HEPHL1: variants seen among roughly 807,000 people sequenced by gnomAD.
HEPHL1 encodes ferroxidase HEPHL1.
A neutral mutation model predicts 122.0 loss-of-function variants in HEPHL1; 123 were observed. The observed-to-expected ratio is 1.01, with a 90% CI of 0.87 to 1.17. The LOEUF (loss-of-function observed/expected upper bound fraction) is 1.17. Ranked by LOEUF, HEPHL1 falls within the 50% of genes most tolerant of loss-of-function variation. The pLI, the probability that HEPHL1 is intolerant of heterozygous loss-of-function variation, is 0.00. For synonymous variants in HEPHL1, 527 were observed against 508.9 expected, an observed-to-expected ratio of 1.04 and a Z score of -0.48; for missense variants, 1,452 against 1,430.5, an observed-to-expected ratio of 1.01 and a Z score of -0.24.
intron 2 of HEPHL1, among the ~76,000 whole-genome samples, chr11:94,050,079 A>G (rs915703430): frequency 2.6e-5 from 4 of 152,114 alleles, no homozygotes; most frequent in Admixed American, 6.6e-5. Flanking sequence ...AATTTATTCC[A>G]AAGTATTTTA....
At chr11:94,049,138 AC>A (rs1351840826) in intron 2 of HEPHL1, among the ~76,000 whole-genome samples, 2 of 145,272 alleles carry the variant, frequency 1.4e-5, no homozygotes. Flanking sequence ...ACAAAAAAAA[AC>A]AAAACAAAAA....
intron 2 of HEPHL1, among the ~76,000 whole-genome samples, chr11:94,059,766 C>T (rs1437505768): frequency 9.2e-5 from 14 of 152,010 alleles, no homozygotes; most frequent in African/African-American, 3.4e-4. Flanking sequence ...CACAAAGGCT[C>T]TGTTAGGGGA....
intron 2 of HEPHL1, among the ~76,000 whole-genome samples, chr11:94,047,791 T>A (rs988016059): frequency 4.6e-5 from 7 of 152,182 alleles, no homozygotes; most frequent in African/African-American, 1.7e-4. Context: ...GTTAATGGTG[T>A]CCTGAAAAAT....
intron 2 of HEPHL1, among the ~76,000 whole-genome samples, chr11:94,059,507 C>T (rs1323534469): frequency 6.6e-6 from 1 of 152,116 alleles, no homozygotes; most frequent in African/African-American, 2.4e-5. Flanking sequence ...CCTCAAAATT[C>T]TCAAATCTGA....
At chr11:94,076,814 A>C (rs1946129360) in intron 9 of HEPHL1, among the ~76,000 whole-genome samples, 1 of 152,150 alleles carries the variant, frequency 6.6e-6, no homozygotes, top group Admixed American at 6.6e-5. Flanking sequence ...GTCTCTTTCC[A>C]GTAAATTGTC....
intron 1 of HEPHL1, among the ~76,000 whole-genome samples, chr11:94,042,426 A>G (rs1248961711): frequency 4.3e-5 from 6 of 141,140 alleles, no homozygotes; most frequent in Non-Finnish European, 6.1e-5. Flanking sequence ...ACATGCACAC[A>G]TATGTTTATT....
At chr11:94,070,570 G>A (rs1305440764) in intron 6 of HEPHL1, 28 bp downstream of exon 6, 1 of 1,571,190 alleles carries the variant, frequency 6.4e-7, no homozygotes, top group African/African-American at 1.3e-5. Flanking sequence ...GTGTTTCTAA[G>A]CCTCTCGTCA....
rs967297332 is a variant in HEPHL1 at position 94,093,525 on chromosome 11, C to T, written c.2319C>T (p.Arg773=). 6.2e-7 allele frequency: 1 copy of T among 1,613,290 alleles called. No individual in the cohort carries two copies. Among genetic ancestry groups the T allele is most frequent in the East Asian group, 2.2e-5 (1 of 44,852 alleles). Reference sequence around the variant, plus strand: ...GACATGGAGATATATTTATGAACCGCACTGAAAATTGGATTGGCTCTCAGT... The same window carrying T: ...GACATGGAGATATATTTATGAACCGTACTGAAAATTGGATTGGCTCTCAGT... ...GERHGDIFMN[R]TENWIGSQYK... is the part of the protein sequence containing the mutation. The change falls in exon 13 of 20, where the codon CGC becomes CGT. Residue 773 remains arginine (R), a synonymous_variant. Transcript: ENST00000315765.
At position 94,068,595 on chromosome 11, in the gene HEPHL1, C is replaced by A. The variant is rs116222026; in HGVS notation, c.1063+845C>A. ...AGAAGAGCCTGGGAGGCTCATCAGGCCCCTTAGCAAAGCTAAGGAGGTGGG... is the reference window on the plus strand; with the variant it reads ...AGAAGAGCCTGGGAGGCTCATCAGGACCCTTAGCAAAGCTAAGGAGGTGGG... On this transcript the variant is annotated intron_variant, in intron 5 of 19. Coordinates refer to ENST00000315765, the MANE Select transcript of HEPHL1 (RefSeq NM_001098672.2). Among the ~76,000 whole-genome samples, 402 of 152,206 alleles carry A rather than the reference C, an allele frequency of 2.6e-3. 2 individuals carry two copies. Among genetic ancestry groups the A allele is most frequent in the African/African-American group, 8.9e-3 (371 of 41,554 alleles).
intron 4 of HEPHL1, 112 bp downstream of exon 4, chr11:94,064,622 T>C: frequency 1.4e-6 from 1 of 716,988 alleles, no homozygotes; most frequent in East Asian, 2.7e-5. Flanking sequence ...GATTTATAAC[T>C]CAGGGATGAC....
At chr11:94,072,559 G>A (rs1946084076) in intron 6 of HEPHL1, among the ~76,000 whole-genome samples, 1 of 151,968 alleles carries the variant, frequency 6.6e-6, no homozygotes, top group Non-Finnish European at 1.5e-5. Context: ...GGTTTATATG[G>A]TAGCCCTCCA....
Position 94,082,536 on chromosome 11 carries a change from A to T in HEPHL1, c.1835A>T (p.Asp612Val), listed in dbSNP as rs1384898651. Reference protein sequence around the residue: ...IWHPFSIDKEDKEFVKSNRMH... With the variant: ...IWHPFSIDKEVKEFVKSNRMH... ...CATCCCTTCAGCATTGACAAAGAAG[A>T]TAAAGAGTTTGTGAAATCCAACCGA... is the stretch of plus-strand genomic sequence containing the variant. Residue 612 changes from aspartate to valine, a missense_variant, in exon 10 of 20, where the codon GAT becomes GTT. Asp to Val is a radical substitution (Grantham distance 152, BLOSUM62 -3). Coordinates refer to ENST00000315765, the MANE Select transcript of HEPHL1 (RefSeq NM_001098672.2). The T allele has an allele frequency of 6.2e-7, 1 of 1,612,528 alleles. No individual in the cohort carries two copies. Among genetic ancestry groups the T allele is most frequent in the Non-Finnish European group, 8.5e-7 (1 of 1,179,492 alleles).
intron 2 of HEPHL1, among the ~76,000 whole-genome samples, chr11:94,049,211 A>G (rs907983073): frequency 7.9e-5 from 12 of 152,140 alleles, no homozygotes; most frequent in Admixed American, 2.6e-4. Flanking sequence ...AGGTATATTA[A>G]AAAAATGCTC....
chr11:94,110,658 G>A (rs1215454096), intron 17 of HEPHL1, among the ~76,000 whole-genome samples: 1 of 152,122 alleles, frequency 6.6e-6, no homozygotes, highest in Non-Finnish European at 1.5e-5. Context: ...CAGGAGGTGG[G>A]GATCATTGTG....
intron 1 of HEPHL1, among the ~76,000 whole-genome samples, chr11:94,029,306 G>A (rs1945653174): frequency 6.6e-6 from 1 of 152,160 alleles, no homozygotes; most frequent in Non-Finnish European, 1.5e-5. Flanking sequence ...GGCTCCTCCT[G>A]CAGCAGAGGA....
rs1043205885 is a variant in HEPHL1 at position 94,114,147 on chromosome 11, A to G, written c.*2253A>G. ...TCCTGCATCTTTCTATGAAACCATC[A>G]GCAATGTCCGCCATTAAAAACAGAA... On this transcript the variant is annotated 3_prime_UTR_variant, in exon 20 of 20. Coordinates refer to ENST00000315765, the MANE Select transcript of HEPHL1 (RefSeq NM_001098672.2). Among the ~76,000 whole-genome samples, 1 of 152,198 alleles carries G rather than the reference A, an allele frequency of 6.6e-6. No homozygotes were observed. Among genetic ancestry groups the G allele is most frequent in the Non-Finnish European group, 1.5e-5 (1 of 68,044 alleles).
chr11:94,089,035 T>C (rs1946242824), intron 12 of HEPHL1, 67 bp downstream of exon 12: 4 of 1,363,002 alleles, frequency 2.9e-6, no homozygotes, highest in Non-Finnish European at 4.2e-6. Flanking sequence ...CTTTAGTAAG[T>C]GTGGCTCCCT....
chr11:94,092,218 T>G (rs898069989), intron 12 of HEPHL1, among the ~76,000 whole-genome samples: 3 of 152,176 alleles, frequency 2.0e-5, no homozygotes, highest in African/African-American at 7.2e-5. Flanking sequence ...AATTAAAAGA[T>G]TTTAAAAATC....
intron 17 of HEPHL1, among the ~76,000 whole-genome samples, chr11:94,108,468 A>T (rs963121514): frequency 3.3e-5 from 5 of 152,138 alleles, no homozygotes; most frequent in Admixed American, 2.0e-4. Flanking sequence ...GGTGTCATGT[A>T]TAAAAAATTT....
Sources: allele counts gnomAD v4.1 joint callset (sites outside exome capture counted in the v4.1 genomes callset), GRCh38; gene constraint gnomAD v4.1.1; transcripts MANE v1.5; gene names NCBI Gene and HGNC (gene_info 2026-07-23, HGNC 2026-07-21).